The following RANBP2 variants were observed in gnomAD, a reference collection of about 807,000 sequenced individuals.
RANBP2 encodes the protein RAN binding protein 2.
RANBP2 carries 57 observed loss-of-function variants against 303.6 expected under a neutral mutation model. That is an observed-to-expected ratio of 0.19 (90% CI 0.15 to 0.23). RANBP2 has a LOEUF of 0.23. Ranked by LOEUF, RANBP2 falls within the 10% of genes least tolerant of loss-of-function variation. The pLI, the probability that RANBP2 is intolerant of heterozygous loss-of-function variation, is 1.00. For synonymous variants in RANBP2, 1,167 were observed against 1,301.5 expected, an observed-to-expected ratio of 0.90 and a Z score of 2.23; for missense variants, 3,138 against 3,780.8, an observed-to-expected ratio of 0.83 and a Z score of 4.46.
At chr2:109,059,491 T>C in the RANBP2 span, among the ~76,000 whole-genome samples, 2 of 150,940 alleles carry the variant, frequency 1.3e-5, no homozygotes, top group Admixed American at 1.3e-4. Context: ...AGGAGAATGG[T>C]GTGAATCCCG....
downstream of RANBP2, chr2:108,786,715 G>C: frequency 9.5e-7 from 1 of 1,058,072 alleles, no homozygotes; most frequent in South Asian, 1.4e-5. Flanking sequence ...GCCGCCGTGC[G>C]TGCCTCGGGG....
At chr2:109,675,969 G>A in the RANBP2 span, among the ~76,000 whole-genome samples, 1 of 152,232 alleles carries the variant, frequency 6.6e-6, no homozygotes, top group Non-Finnish European at 1.5e-5. Context: ...GTGGATCAGT[G>A]AGAGCACCAT....
At chr2:108,998,532 G>A in the RANBP2 span, among the ~76,000 whole-genome samples, 1 of 152,124 alleles carries the variant, frequency 6.6e-6, no homozygotes, top group East Asian at 1.9e-4. Context: ...TCCTCCTAAG[G>A]AGAGATCACA....
chr2:109,336,700 A>C, the RANBP2 span, among the ~76,000 whole-genome samples: 1 of 152,262 alleles, frequency 6.6e-6, no homozygotes, highest in Non-Finnish European at 1.5e-5. Context: ...GTTTACCTTA[A>C]GTCTGTAAAA....
the RANBP2 span, chr2:109,398,683 G>A: frequency 7.3e-5 from 118 of 1,610,116 alleles, 1 homozygote; most frequent in South Asian, 1.1e-3. Context: ...TGACTCCGGC[G>A]CTGTGGCCAG....
chr2:109,059,403 G>A, the RANBP2 span, among the ~76,000 whole-genome samples: 1,211 of 152,148 alleles, frequency 8.0e-3, 16 homozygotes, highest in African/African-American at 0.028. Flanking sequence ...GTGAAACCCC[G>A]TCTCTACTAA....
At chr2:109,223,215 G>A in the RANBP2 span, among the ~76,000 whole-genome samples, 18 of 152,190 alleles carry the variant, frequency 1.2e-4, no homozygotes, top group South Asian at 4.1e-4. Context: ...CTTTGCTGCC[G>A]TCCCATGCAG....
At chr2:109,451,828 A>T in the RANBP2 span, among the ~76,000 whole-genome samples, 5 of 152,356 alleles carry the variant, frequency 3.3e-5, no homozygotes, top group Non-Finnish European at 7.3e-5. Context: ...ATAGCTCCCG[A>T]GCCTCTGTGG....
At chr2:109,243,994 A>G in the RANBP2 span, among the ~76,000 whole-genome samples, 1 of 152,216 alleles carries the variant, frequency 6.6e-6, no homozygotes, top group African/African-American at 2.4e-5. Context: ...TCATGTGCTC[A>G]TAGGTGAAGT....
the RANBP2 span, among the ~76,000 whole-genome samples, chr2:109,540,859 C>T: frequency 6.6e-6 from 1 of 151,296 alleles, no homozygotes; most frequent in African/African-American, 2.4e-5. Context: ...TGTACCTTTT[C>T]CCATCTTCTT....
At chr2:109,019,271 C>A in the RANBP2 span, among the ~76,000 whole-genome samples, 1 of 152,228 alleles carries the variant, frequency 6.6e-6, no homozygotes, top group Admixed American at 6.5e-5. Flanking sequence ...CAGCCCAGTG[C>A]TCCTCTGTGT....
the RANBP2 span, among the ~76,000 whole-genome samples, chr2:109,633,297 G>T: frequency 6.6e-6 from 1 of 152,074 alleles, no homozygotes; most frequent in African/African-American, 2.4e-5. Context: ...GGAGGCTGAG[G>T]CAGGAGAAAC....
the RANBP2 span, among the ~76,000 whole-genome samples, chr2:109,720,349 A>G: frequency 6.6e-6 from 1 of 152,092 alleles, no homozygotes; most frequent in African/African-American, 2.4e-5. Flanking sequence ...CAGCCACTAT[A>G]GCAGCACTTG....
chr2:108,875,732 G>A, the RANBP2 span, among the ~76,000 whole-genome samples: 112 of 152,216 alleles, frequency 7.4e-4, no homozygotes, highest in African/African-American at 2.5e-3. Context: ...GGTGATGTGC[G>A]CCTGTAGTCC....
the RANBP2 span, among the ~76,000 whole-genome samples, chr2:109,578,942 T>C: frequency 6.6e-6 from 1 of 151,696 alleles, no homozygotes; most frequent in Non-Finnish European, 1.5e-5. Context: ...CAGAAAGTAA[T>C]GAAACAGGAA....
At chr2:108,833,118 G>T in the RANBP2 span, among the ~76,000 whole-genome samples, 1 of 152,196 alleles carries the variant, frequency 6.6e-6, no homozygotes, top group Non-Finnish European at 1.5e-5. Flanking sequence ...TGAGAAAGAG[G>T]AGCAGAGCAC....
chr2:108,942,601 T>C, the RANBP2 span, among the ~76,000 whole-genome samples: 1 of 152,238 alleles, frequency 6.6e-6, no homozygotes. Flanking sequence ...GAGTCTGCGC[T>C]GAGTGAGGCC....
the RANBP2 span, among the ~76,000 whole-genome samples, chr2:109,306,879 A>G: frequency 2.6e-5 from 4 of 152,208 alleles, no homozygotes; most frequent in African/African-American, 7.2e-5. Flanking sequence ...GCTTGGTTCA[A>G]CGGGTGTGCG....
the RANBP2 span, among the ~76,000 whole-genome samples, chr2:109,027,479 G>A: frequency 6.6e-6 from 1 of 152,124 alleles, no homozygotes; most frequent in African/African-American, 2.4e-5. Flanking sequence ...TGGAGCCAAG[G>A]AAGCCTGTGG....
Sources: gnomAD v4.1 joint callset for allele counts (sites outside exome capture counted in the v4.1 genomes callset) on GRCh38, gnomAD v4.1.1 for gene constraint, MANE v1.5 for transcripts, NCBI Gene and HGNC (gene_info 2026-07-23, HGNC 2026-07-21) for gene names.